Variants in RAI14 observed in about 807,000 individuals in gnomAD.
RAI14 encodes retinoic acid induced 14.
A neutral mutation model predicts 115.4 loss-of-function variants in RAI14; 45 were observed. The ratio of observed to expected loss-of-function variants is 0.39; its 90% CI spans 0.31 to 0.50. RAI14 has a LOEUF of 0.50. Among genes scored for constraint, RAI14 ranks in the 20% least tolerant of loss-of-function variants. The pLI is 0.85. For missense variants in RAI14, 939 were observed against 1,131.2 expected, an observed-to-expected ratio of 0.83 and a Z score of 2.44; for synonymous variants, 371 against 415.4, an observed-to-expected ratio of 0.89 and a Z score of 1.30.
At chr5:34,730,647 G>T (rs1401828256) in intron 2 of RAI14, among the ~76,000 whole-genome samples, 1 of 151,990 alleles carries the variant, frequency 6.6e-6, no homozygotes, top group Non-Finnish European at 1.5e-5. Flanking sequence ...CTGCACTCCA[G>T]CTTGGGAGAC....
At chr5:34,801,174 A>C (rs1213940779) in intron 4 of RAI14, among the ~76,000 whole-genome samples, 2 of 152,108 alleles carry the variant, frequency 1.3e-5, no homozygotes, top group African/African-American at 4.8e-5. Context: ...TCATTTTTAA[A>C]TTTTGTTCAT....
intron 2 of RAI14, among the ~76,000 whole-genome samples, chr5:34,722,662 A>G (rs1742921247): frequency 6.6e-6 from 1 of 152,100 alleles, no homozygotes; most frequent in South Asian, 2.1e-4. Context: ...CCTGGCCAGC[A>G]TGGTGAAACC....
chr5:34,823,532 G>T lies in RAI14; in HGVS notation c.1690G>T (p.Glu564Ter). The T allele has an allele frequency of 6.2e-7, 1 of 1,614,164 alleles. No individual in the cohort carries two copies. The highest frequency in any genetic ancestry group is 8.5e-7 in the Non-Finnish European group (1 of 1,180,026). ...RELEEKLVER[E>*]KGTVIKPPVE... ...GTTAGAGGAAAAACTGGTAGAGAGG[G>T]AGAAAGGTACAGTGATTAAGCCACC... Residue 564 changes from glutamate (E) to a stop codon, truncating the protein, a stop_gained, in exon 15 of 18, where the codon GAG (glutamate) becomes TAG (stop). Transcript: ENST00000265109. LOFTEE classifies it high-confidence loss of function. This position sits in a 1 kb window ranked among gnomAD's most constrained non-coding sequence, Gnocchi z 4.5.
At chr5:34,730,260 C>T (rs114985680) in intron 2 of RAI14, among the ~76,000 whole-genome samples, 1,713 of 152,258 alleles carry the variant, frequency 0.011, 29 homozygotes, top group African/African-American at 0.039. Flanking sequence ...TTTATATGCA[C>T]AAATGTAGTA....
intron 1 of RAI14, among the ~76,000 whole-genome samples, chr5:34,678,614 A>G (rs182281260): frequency 2.0e-5 from 3 of 152,340 alleles, no homozygotes; most frequent in Admixed American, 1.3e-4. Flanking sequence ...AGGCCTCAGA[A>G]GGAAACCAAC....
chr5:34,813,490 C>A, intron 10 of RAI14, 84 bp from the exon 11 acceptor site: 1 of 816,182 alleles, frequency 1.2e-6, no homozygotes, highest in South Asian at 2.0e-5. Flanking sequence ...TGAGGTTTTT[C>A]TCATGTGTTT....
chr5:34,829,098 C>T (rs1264267063), intron 16 of RAI14, among the ~76,000 whole-genome samples: 1 of 151,882 alleles, frequency 6.6e-6, no homozygotes, highest in Admixed American at 6.6e-5. Context: ...GCTGTATTTG[C>T]ATAAGTATAT....
At chr5:34,697,518 G>C (rs181023953) in intron 2 of RAI14, among the ~76,000 whole-genome samples, 1 of 152,062 alleles carries the variant, frequency 6.6e-6, no homozygotes, top group Non-Finnish European at 1.5e-5. Flanking sequence ...AACCAGTCAG[G>C]CTTTTCCTTT....
At chr5:34,676,451 T>C (rs1364940502) in intron 1 of RAI14, among the ~76,000 whole-genome samples, 1 of 152,212 alleles carries the variant, frequency 6.6e-6, no homozygotes, top group Non-Finnish European at 1.5e-5. Context: ...CCTAGAGTGA[T>C]TTTTATATTC....
chr5:34,817,739 A>G (rs1756421911), intron 12 of RAI14, among the ~76,000 whole-genome samples: 1 of 152,226 alleles, frequency 6.6e-6, no homozygotes, highest in Non-Finnish European at 1.5e-5. Context: ...GCCACCAAAA[A>G]ATTCATATGG....
intron 2 of RAI14, 77 bp from the exon 3 acceptor site, chr5:34,757,391 G>A (rs1240781191): frequency 7.3e-6 from 11 of 1,510,308 alleles, no homozygotes; most frequent in African/African-American, 4.1e-5. Flanking sequence ...TGGGGGCTGC[G>A]AGGACTGCAG....
chr5:34,723,113 A>C (rs1300353558), intron 2 of RAI14, among the ~76,000 whole-genome samples: 1 of 151,198 alleles, frequency 6.6e-6, no homozygotes, highest in Non-Finnish European at 1.5e-5. Flanking sequence ...AAAAAAAAAA[A>C]AAAAACCCAC....
chr5:34,718,631 G>T (rs1374646952), intron 2 of RAI14, among the ~76,000 whole-genome samples: 4 of 152,226 alleles, frequency 2.6e-5, no homozygotes, highest in Non-Finnish European at 5.9e-5. Context: ...CCCAGGTTGG[G>T]ATCTACTGGG....
At chr5:34,802,174 G>A (rs2150229763) in intron 4 of RAI14, among the ~76,000 whole-genome samples, 1 of 152,336 alleles carries the variant, frequency 6.6e-6, no homozygotes, top group South Asian at 2.1e-4. Flanking sequence ...GACCTCTAGT[G>A]GATAGAGGCC....
chr5:34,749,754 C>T (rs1337714756), intron 2 of RAI14, among the ~76,000 whole-genome samples: 1 of 152,210 alleles, frequency 6.6e-6, no homozygotes, highest in Non-Finnish European at 1.5e-5. Flanking sequence ...CCCTTCATAG[C>T]TGACACATTA....
intron 2 of RAI14, among the ~76,000 whole-genome samples, chr5:34,740,994 C>T (rs1312673057): frequency 6.6e-6 from 1 of 152,180 alleles, no homozygotes; most frequent in Non-Finnish European, 1.5e-5. Flanking sequence ...ACATCGTGCT[C>T]ATATGTGTGT....
intron 2 of RAI14, among the ~76,000 whole-genome samples, chr5:34,694,148 TCTC>T (rs1266970394): frequency 1.3e-5 from 2 of 152,078 alleles, no homozygotes; most frequent in African/African-American, 4.8e-5. Flanking sequence ...CTTGGGGAAA[TCTC>T]CTAGTCTACA....
chr5:34,813,059 GTTTA>G (rs984541581), intron 10 of RAI14, among the ~76,000 whole-genome samples: 44 of 152,196 alleles, frequency 2.9e-4, no homozygotes, highest in African/African-American at 9.9e-4. Flanking sequence ...ATGTTTGGTT[GTTTA>G]TTTATTTACA....
intron 4 of RAI14, among the ~76,000 whole-genome samples, chr5:34,801,689 C>T (rs367907980): frequency 4.3e-4 from 66 of 151,792 alleles, no homozygotes; most frequent in African/African-American, 1.5e-3. Flanking sequence ...TGCAGTGAGC[C>T]GAGATGGTGC....
Sources: allele counts gnomAD v4.1 joint callset (sites outside exome capture counted in the v4.1 genomes callset), GRCh38; gene constraint gnomAD v4.1.1; non-coding constraint Gnocchi (gnomAD v3.1); transcripts MANE v1.5; gene names NCBI Gene and HGNC (gene_info 2026-07-23, HGNC 2026-07-21).